Variants in SMAD3 observed in about 807,000 individuals in gnomAD.
SMAD3 encodes MAD homolog 3.
Under a neutral mutation model 51.8 loss-of-function variants are expected in SMAD3, and 12 were observed. The ratio of observed to expected loss-of-function variants is 0.23; its 90% CI spans 0.15 to 0.38. The LOEUF is 0.38. SMAD3 is among the 10% of genes least tolerant of loss of function. The probability of loss-of-function intolerance (pLI) is 1.00; values close to 1 mark genes in which losing one functional copy is unlikely to be tolerated. For synonymous variants in SMAD3, 238 were observed against 227.7 expected, an observed-to-expected ratio of 1.05 and a Z score of -0.41; for missense variants, 294 against 565.6, an observed-to-expected ratio of 0.52 and a Z score of 4.87.
chr15:67,185,267 A>G (rs1056866275), intron 7 of SMAD3, among the ~76,000 whole-genome samples: 1 of 152,214 alleles, frequency 6.6e-6, no homozygotes, highest in Non-Finnish European at 1.5e-5. Context: ...CAGAAGACAA[A>G]GACACGGATG....
At chr15:67,090,723 C>T (rs796512818) in intron 1 of SMAD3, among the ~76,000 whole-genome samples, 1 of 152,152 alleles carries the variant, frequency 6.6e-6, no homozygotes, top group Admixed American at 6.5e-5. Context: ...AGATGCTTCT[C>T]CTTACTGCAG....
At chr15:67,169,096 T>TA (rs1346498522) in intron 4 of SMAD3, among the ~76,000 whole-genome samples, 1 of 152,236 alleles carries the variant, frequency 6.6e-6, no homozygotes, top group Non-Finnish European at 1.5e-5. Flanking sequence ...TGCACAGTCT[T>TA]ACTTAATTTT....
chr15:67,148,345 C>T (rs1253965026), intron 1 of SMAD3, among the ~76,000 whole-genome samples: 2 of 152,226 alleles, frequency 1.3e-5, no homozygotes, highest in African/African-American at 4.8e-5. Context: ...GGCTCCAGTC[C>T]ATCCCCAGTG....
Position 67,189,462 on chromosome 15 carries a change from A to G in SMAD3, c.1155-951A>G, listed in dbSNP as rs3784684. 7.0e-4 allele frequency among the ~76,000 whole-genome samples: 106 copies of G among 152,348 alleles called. 5 individuals carry two copies. The East Asian group carries it at 0.01, about 15-fold the overall frequency. On this transcript the variant is annotated intron_variant, in intron 8 of 8. Coordinates refer to ENST00000327367, the MANE Select transcript of SMAD3 (RefSeq NM_005902.4). ...GCCTTTCCCTGGGGACACTATCACCACGCGGGATGTCCTGCCAGCACACCC... is the reference window on the plus strand; with the variant it reads ...GCCTTTCCCTGGGGACACTATCACCGCGCGGGATGTCCTGCCAGCACACCC...
chr15:67,122,920 T>C (rs1482471913), intron 1 of SMAD3, among the ~76,000 whole-genome samples: 2 of 152,118 alleles, frequency 1.3e-5, no homozygotes, highest in Admixed American at 1.3e-4. Flanking sequence ...GCATGGTGGC[T>C]CATGCCTGTA....
At chr15:67,187,175 G>A in intron 7 of SMAD3, 190 bp from the exon 8 acceptor site, 1 of 715,418 alleles carries the variant, frequency 1.4e-6, no homozygotes, top group Non-Finnish European at 2.5e-6. Context: ...TTCAAGGGGA[G>A]GGACTGGGTT....
chr15:67,180,135 CAGCAG>C (rs1963012798), intron 5 of SMAD3, among the ~76,000 whole-genome samples: 1 of 152,152 alleles, frequency 6.6e-6, no homozygotes, highest in Non-Finnish European at 1.5e-5. Context: ...GGCTCGCGCC[CAGCAG>C]TCAGTGCAGT....
intron 1 of SMAD3, among the ~76,000 whole-genome samples, chr15:67,078,825 T>G (rs1874030401): frequency 6.6e-6 from 1 of 152,172 alleles, no homozygotes; most frequent in Admixed American, 6.5e-5. Flanking sequence ...TTGTTTAACT[T>G]ATTTGAGCTT....
intron 1 of SMAD3, among the ~76,000 whole-genome samples, chr15:67,140,397 T>G (rs542759622): frequency 6.6e-6 from 1 of 152,352 alleles, no homozygotes; most frequent in South Asian, 2.1e-4. Context: ...CTCTCTTCTT[T>G]TTTCTAACTT....
intron 5 of SMAD3, among the ~76,000 whole-genome samples, chr15:67,176,282 G>A (rs969420425): frequency 2.6e-5 from 4 of 152,088 alleles, no homozygotes; most frequent in Non-Finnish European, 5.9e-5. Flanking sequence ...CTTAAAGATC[G>A]AGTCCCTGCA....
intron 1 of SMAD3, among the ~76,000 whole-genome samples, chr15:67,105,560 A>G (rs1338657902): frequency 6.6e-6 from 1 of 152,212 alleles, no homozygotes; most frequent in Non-Finnish European, 1.5e-5. Context: ...GCAGAAATTC[A>G]TGGCCTTGAA....
chr15:67,108,546 G>A (rs1960932512), intron 1 of SMAD3, among the ~76,000 whole-genome samples: 1 of 152,172 alleles, frequency 6.6e-6, no homozygotes, highest in South Asian at 2.1e-4. Flanking sequence ...CCCCCCAGCT[G>A]CTGAGCATGC....
chr15:67,081,853 T>C (rs1960286303), intron 1 of SMAD3, among the ~76,000 whole-genome samples: 1 of 152,150 alleles, frequency 6.6e-6, no homozygotes, highest in Non-Finnish European at 1.5e-5. Flanking sequence ...CAGAAGCCTC[T>C]CGAGGTCAAG....
At chr15:67,102,368 T>C (rs567242620) in intron 1 of SMAD3, among the ~76,000 whole-genome samples, 3 of 152,230 alleles carry the variant, frequency 2.0e-5, no homozygotes, top group Admixed American at 6.5e-5. Context: ...TTTTTTCCCT[T>C]TTGAAACTTG....
intron 1 of SMAD3, among the ~76,000 whole-genome samples, chr15:67,110,689 A>G (rs1238431060): frequency 1.3e-5 from 2 of 152,234 alleles, no homozygotes; most frequent in South Asian, 2.1e-4. Flanking sequence ...TTGAGCAGCT[A>G]TGGTCCAGTG....
chr15:67,172,884 C>T (rs536086496), intron 5 of SMAD3, among the ~76,000 whole-genome samples: 31 of 152,220 alleles, frequency 2.0e-4, no homozygotes, highest in African/African-American at 7.0e-4. Context: ...ACGTTGGAGA[C>T]GTAAAAGTCT....
chr15:67,140,938 GT>G (rs1039225742), intron 1 of SMAD3, among the ~76,000 whole-genome samples: 7 of 152,184 alleles, frequency 4.6e-5, no homozygotes, highest in Non-Finnish European at 7.3e-5. Flanking sequence ...GATCTTCTGA[GT>G]TTTTTTCAAG....
intron 1 of SMAD3, among the ~76,000 whole-genome samples, chr15:67,109,967 C>T (rs895007575): frequency 2.0e-5 from 3 of 152,208 alleles, no homozygotes; most frequent in Non-Finnish European, 4.4e-5. Flanking sequence ...CAACTCAGTG[C>T]TTCTCAGAAA....
intron 1 of SMAD3, among the ~76,000 whole-genome samples, chr15:67,157,595 G>A (rs1962317985): frequency 6.6e-6 from 1 of 152,208 alleles, no homozygotes; most frequent in Non-Finnish European, 1.5e-5. Context: ...GAACTTATGT[G>A]CTGTGCTCCT....
Sources: gnomAD v4.1 joint callset for allele counts (sites outside exome capture counted in the v4.1 genomes callset) on GRCh38, gnomAD v4.1.1 for gene constraint, MANE v1.5 for transcripts, NCBI Gene and HGNC (gene_info 2026-07-23, HGNC 2026-07-21) for gene names.